Variants in CEP350 observed in about 807,000 individuals in gnomAD.
CEP350 encodes the protein centrosome-associated protein 350.
CEP350 carries 126 observed loss-of-function variants against 331.8 expected under a neutral mutation model. The ratio of observed to expected loss-of-function variants is 0.38; its 90% CI spans 0.33 to 0.44. The LOEUF is 0.44. Ranked by LOEUF, CEP350 falls within the 20% of genes least tolerant of loss-of-function variation. The probability of loss-of-function intolerance (pLI) is 1.00; values close to 1 mark genes in which losing one functional copy is unlikely to be tolerated. For missense variants in CEP350, 3,406 were observed against 3,634.6 expected (o/e 0.94, Z 1.62); for synonymous variants, 1,200 against 1,259.5 (o/e 0.95, Z 1.00).
At chr1:180,013,634 A>G (rs1426608237) in intron 9 of CEP350, among the ~76,000 whole-genome samples, 1 of 152,188 alleles carries the variant, frequency 6.6e-6, no homozygotes. Flanking sequence ...CAAACCAAGG[A>G]AATATAGTTT....
intron 3 of CEP350, among the ~76,000 whole-genome samples, chr1:179,990,130 G>C (rs1433059285): frequency 4.0e-5 from 6 of 151,740 alleles, no homozygotes; most frequent in Admixed American, 2.6e-4. Context: ...AGGTTGCAGT[G>C]ACCTGAGATC....
At chr1:180,095,434 T>C (rs755520306) in intron 34 of CEP350, 89 bp from the exon 35 acceptor site, 77 of 1,383,702 alleles carry the variant, frequency 5.6e-5, no homozygotes, top group Non-Finnish European at 7.1e-5. Flanking sequence ...ATTAGATATA[T>C]AAATAATGCA....
At chr1:180,051,217 A>T (rs1453354168) in intron 22 of CEP350, among the ~76,000 whole-genome samples, 1 of 152,220 alleles carries the variant, frequency 6.6e-6, no homozygotes, top group Non-Finnish European at 1.5e-5. Context: ...TAATCTTTTG[A>T]TTCATGTAGC....
At chr1:180,012,102 A>T (rs754097377) in intron 9 of CEP350, 27 bp downstream of exon 9, 1 of 1,519,560 alleles carries the variant, frequency 6.6e-7, no homozygotes, top group Non-Finnish European at 8.8e-7. Flanking sequence ...AAAATAGTTG[A>T]GAAAACAATT....
At chr1:180,011,551 T>G (rs1654658120) in intron 8 of CEP350, among the ~76,000 whole-genome samples, 1 of 152,068 alleles carries the variant, frequency 6.6e-6, no homozygotes, top group African/African-American at 2.4e-5. Context: ...AAGCGATTCT[T>G]GTGTCTCAGC....
At chr1:180,012,797 C>A (rs1219455392) in intron 9 of CEP350, among the ~76,000 whole-genome samples, 2 of 152,226 alleles carry the variant, frequency 1.3e-5, no homozygotes, top group Admixed American at 1.3e-4. Context: ...ATTTGGGCCT[C>A]TTCACTTTTA....
At chr1:180,095,471 A>AG (rs1660432302) in intron 34 of CEP350, 52 bp from the exon 35 acceptor site, 1 of 1,531,010 alleles carries the variant, frequency 6.5e-7, no homozygotes, top group Non-Finnish European at 8.8e-7. Flanking sequence ...TTAAAAAAAA[A>AG]TGATATGAGG....
intron 15 of CEP350, among the ~76,000 whole-genome samples, chr1:180,032,399 G>C: frequency 6.6e-6 from 1 of 151,964 alleles, no homozygotes; most frequent in East Asian, 1.9e-4. Flanking sequence ...TTCTTTGTCA[G>C]TGATTTTGGA....
intron 1 of CEP350, among the ~76,000 whole-genome samples, chr1:179,978,565 A>C (rs914140692): frequency 1.3e-5 from 2 of 151,610 alleles, no homozygotes; most frequent in Non-Finnish European, 2.9e-5. Flanking sequence ...GCCCCTACTA[A>C]CCTCTGTTCT....
In CEP350 at chr1:180,086,558, TATAA is replaced by T. The variant is rs1377655900; in HGVS notation, c.6286-1018_6286-1015del. ...AGATATGCATATATATATATATATA[TATAA>T]AATACATAGCAGTTCATATAAAAAT... On this transcript the variant is annotated intron_variant, in intron 31 of 37. Coordinates refer to ENST00000367607, the MANE Select transcript of CEP350 (RefSeq NM_014810.5). Among the ~76,000 whole-genome samples the T allele has an allele frequency of 3.8e-5, 5 of 130,616 alleles. No homozygotes were observed. The East Asian group carries it at 7.2e-4, about 19-fold the overall frequency. 85.7% of individuals were successfully genotyped at this position (130,616 alleles called of 152,430 possible).
chr1:180,040,262 T>C (rs1378549596), intron 17 of CEP350, among the ~76,000 whole-genome samples: 1 of 152,152 alleles, frequency 6.6e-6, no homozygotes, highest in African/African-American at 2.4e-5. Flanking sequence ...ACTTTGTTGA[T>C]AGTCATTTTA....
Position 180,002,349 on chromosome 1 carries a change from C to G in CEP350, c.1019-825C>G, listed in dbSNP as rs188976542. Among the ~76,000 whole-genome samples, 252 of 152,256 alleles carry G rather than the reference C, an allele frequency of 1.7e-3. 2 individuals are homozygous for G. The highest frequency in any genetic ancestry group is 5.8e-3 in the African/African-American group (241 of 41,552). On this transcript the variant is annotated intron_variant, in intron 6 of 37. Coordinates refer to ENST00000367607, the MANE Select transcript of CEP350 (RefSeq NM_014810.5). ...ATTATCCAGGAATGGTGGTGTGTGCCTGTAGCACCAGCTGCTTGGGAGGCT... is the reference window on the plus strand; with the variant it reads ...ATTATCCAGGAATGGTGGTGTGTGCGTGTAGCACCAGCTGCTTGGGAGGCT...
At position 180,013,867 on chromosome 1, in the gene CEP350, G is replaced by A; in HGVS notation, c.1414G>A (p.Glu472Lys). The A allele has an allele frequency of 6.2e-7, 1 of 1,611,122 alleles. No homozygotes were observed. Among genetic ancestry groups the A allele is most frequent in the Non-Finnish European group, 8.5e-7 (1 of 1,178,654 alleles). ...AKSGGHIGRA[E>K]SDPRLDVLHR... Reference sequence around the variant, plus strand: ...TGCAGGGGGTCACATTGGAAGAGCAGAATCTGATCCCAGGTTGGACGTTTT... The same window carrying A: ...TGCAGGGGGTCACATTGGAAGAGCAAAATCTGATCCCAGGTTGGACGTTTT... Residue 472 changes from glutamate (E) to lysine (K), a missense_variant, in exon 10 of 38, where the codon GAA (glutamate) becomes AAA (lysine). By Grantham distance (56) the Glu-to-Lys change is moderately conservative. Around this residue, in one of 5 missense-constraint regions of CEP350, gnomAD observed 1,857 missense variants for 1,909.2 expected, o/e 0.97. Transcript: ENST00000367607.
Position 180,093,355 on chromosome 1 carries a change from A to G in CEP350, c.7250A>G (p.Gln2417Arg). 3.7e-6 allele frequency: 6 copies of G among 1,600,652 alleles called. No homozygotes were observed. Among genetic ancestry groups the G allele is most frequent in the Non-Finnish European group, 5.1e-6 (6 of 1,173,312 alleles). ...KDSQSCRDKPQPMRSSTSGAT... is the reference protein window; with the variant it reads ...KDSQSCRDKPRPMRSSTSGAT... Reference sequence around the variant, plus strand: ...TCTCAGTCTTGCAGAGATAAGCCACAGCCAATGAGGAGCTCTACAAGTGGA... The same window carrying G: ...TCTCAGTCTTGCAGAGATAAGCCACGGCCAATGAGGAGCTCTACAAGTGGA... The change falls in exon 34 of 38, where the codon CAG becomes CGG. Residue 2417 changes from glutamine to arginine, a missense_variant. Gln to Arg is a conservative substitution (Grantham distance 43). This residue lies in a region of CEP350 where 1,415 missense variants were observed against 1,512.3 expected (regional missense o/e 0.94). Transcript: ENST00000367607.
At chr1:180,110,566 T>A in intron 37 of CEP350, among the ~76,000 whole-genome samples, 2 of 152,256 alleles carry the variant, frequency 1.3e-5, no homozygotes, top group East Asian at 3.8e-4. Context: ...CACTGCATTT[T>A]TGACTTAATG....
intron 25 of CEP350, among the ~76,000 whole-genome samples, chr1:180,055,368 A>C (rs1367934240): frequency 6.6e-6 from 1 of 152,070 alleles, no homozygotes; most frequent in East Asian, 1.9e-4. Context: ...GTGCCTGGTA[A>C]GTATTCAATA....
At chr1:179,995,152 T>A (rs1018859264) in intron 5 of CEP350, among the ~76,000 whole-genome samples, 1 of 152,248 alleles carries the variant, frequency 6.6e-6, no homozygotes, top group Admixed American at 6.5e-5. Flanking sequence ...AATAGCCATA[T>A]GTGGCTAGTG....
intron 14 of CEP350, among the ~76,000 whole-genome samples, chr1:180,024,903 A>G (rs1439245220): frequency 6.6e-6 from 1 of 152,116 alleles, no homozygotes; most frequent in Non-Finnish European, 1.5e-5. Flanking sequence ...GTAAAATTAT[A>G]CACACACATG....
chr1:180,024,676 A>G, intron 14 of CEP350, 94 bp downstream of exon 14: 2 of 1,348,016 alleles, frequency 1.5e-6, no homozygotes, highest in Non-Finnish European at 1.9e-6. Context: ...AAGTTAGAAG[A>G]ATTTCTTATG....
Sources: allele counts gnomAD v4.1 joint callset (sites outside exome capture counted in the v4.1 genomes callset), GRCh38; gene constraint gnomAD v4.1.1; regional missense constraint gnomAD v4.1.1; transcripts MANE v1.5; gene names NCBI Gene and HGNC (gene_info 2026-07-23, HGNC 2026-07-21).